TMEM163: variants seen among roughly 807,000 people sequenced by gnomAD.
TMEM163 encodes transmembrane protein 163.
Under a neutral mutation model 29.3 loss-of-function variants are expected in TMEM163, and 17 were observed. The ratio of observed to expected loss-of-function variants is 0.58; its 90% CI spans 0.40 to 0.87. The LOEUF is 0.87. TMEM163 is among the 40% of genes least tolerant of loss of function. The pLI, the probability that TMEM163 is intolerant of heterozygous loss-of-function variation, is 0.00. For missense variants in TMEM163, 303 were observed against 381.5 expected, an observed-to-expected ratio of 0.79 and a Z score of 1.71; for synonymous variants, 157 against 160.6, an observed-to-expected ratio of 0.98 and a Z score of 0.17.
At chr2:134,561,363 C>G (rs980658624) in intron 2 of TMEM163, among the ~76,000 whole-genome samples, 3 of 148,652 alleles carry the variant, frequency 2.0e-5, no homozygotes, top group Non-Finnish European at 4.4e-5. Flanking sequence ...ACCACCACAC[C>G]CGGCTAATTT....
At chr2:134,671,327 C>A (rs1443620882) in intron 2 of TMEM163, among the ~76,000 whole-genome samples, 1 of 152,122 alleles carries the variant, frequency 6.6e-6, no homozygotes, top group African/African-American at 2.4e-5. Context: ...AGGAGACCCA[C>A]CCCTCCCCAA....
At chr2:134,616,066 G>T (rs941553499) in intron 2 of TMEM163, among the ~76,000 whole-genome samples, 3 of 152,120 alleles carry the variant, frequency 2.0e-5, no homozygotes, top group Non-Finnish European at 4.4e-5. Context: ...AGTATGATTC[G>T]GGAGGTAAAG....
intron 4 of TMEM163, among the ~76,000 whole-genome samples, chr2:134,508,563 A>G (rs1318826637): frequency 1.3e-5 from 2 of 152,200 alleles, no homozygotes; most frequent in African/African-American, 4.8e-5. Flanking sequence ...AAAAGGAGAA[A>G]GTGAGCAAGG....
intron 5 of TMEM163, among the ~76,000 whole-genome samples, chr2:134,495,578 C>G (rs1679532251): frequency 6.6e-6 from 1 of 152,202 alleles, no homozygotes; most frequent in Non-Finnish European, 1.5e-5. Flanking sequence ...GGTGGGACAT[C>G]TCTGGGAAAA....
At chr2:134,692,733 C>T (rs1382698483) in intron 2 of TMEM163, among the ~76,000 whole-genome samples, 2 of 152,194 alleles carry the variant, frequency 1.3e-5, no homozygotes, top group Non-Finnish European at 2.9e-5. Context: ...GTCCTGCCCT[C>T]ATCACCTCAT....
At chr2:134,605,594 A>G (rs778762591) in intron 2 of TMEM163, among the ~76,000 whole-genome samples, 50 of 151,932 alleles carry the variant, frequency 3.3e-4, no homozygotes, top group Non-Finnish European at 2.9e-4. Context: ...GCTATTCAGG[A>G]GGCTGAGGCA....
intron 4 of TMEM163, among the ~76,000 whole-genome samples, chr2:134,541,538 T>C (rs1680667677): frequency 1.3e-5 from 2 of 152,232 alleles, no homozygotes; most frequent in Non-Finnish European, 2.9e-5. Flanking sequence ...CTGGATTTTT[T>C]CTAACCTTAA....
intron 2 of TMEM163, among the ~76,000 whole-genome samples, chr2:134,611,649 A>T (rs1438928126): frequency 6.6e-6 from 1 of 152,178 alleles, no homozygotes; most frequent in African/African-American, 2.4e-5. Context: ...AAATCATAAG[A>T]ATTGCATTAT....
At chr2:134,506,327 T>C (rs1440970211) in intron 4 of TMEM163, among the ~76,000 whole-genome samples, 1 of 152,188 alleles carries the variant, frequency 6.6e-6, no homozygotes, top group Non-Finnish European at 1.5e-5. Flanking sequence ...CAGCTATTAT[T>C]AGCGGAGGGC....
chr2:134,618,866 AT>A (rs1682667604), intron 2 of TMEM163, among the ~76,000 whole-genome samples: 1 of 152,196 alleles, frequency 6.6e-6, no homozygotes, highest in South Asian at 2.1e-4. Context: ...TTAGAGGGAA[AT>A]CTATAGCATT....
chr2:134,462,022 T>C (rs992225794), intron 6 of TMEM163, among the ~76,000 whole-genome samples: 3 of 152,132 alleles, frequency 2.0e-5, no homozygotes, highest in South Asian at 2.1e-4. Context: ...AGATCCCAGA[T>C]AGTACAATTA....
chr2:134,511,159 G>GC (rs1553475811), intron 4 of TMEM163, among the ~76,000 whole-genome samples: 1 of 150,232 alleles, frequency 6.7e-6, no homozygotes, highest in Non-Finnish European at 1.5e-5. Flanking sequence ...AAGGCGGGGG[G>GC]GGGTGCTGTT....
At chr2:134,471,335 G>A (rs1405204447) in intron 5 of TMEM163, among the ~76,000 whole-genome samples, 1 of 152,168 alleles carries the variant, frequency 6.6e-6, no homozygotes, top group Non-Finnish European at 1.5e-5. Flanking sequence ...ACCTCATAAT[G>A]AGACTAGTAC....
At chr2:134,541,748 G>A (rs1484835388) in intron 4 of TMEM163, among the ~76,000 whole-genome samples, 2 of 149,544 alleles carry the variant, frequency 1.3e-5, no homozygotes, top group Non-Finnish European at 3.0e-5. Context: ...AAAGCTAAAT[G>A]GATATACGTG....
intron 2 of TMEM163, among the ~76,000 whole-genome samples, chr2:134,710,951 C>T (rs1684913595): frequency 6.6e-6 from 1 of 152,204 alleles, no homozygotes; most frequent in Non-Finnish European, 1.5e-5. Flanking sequence ...GACAGAGATG[C>T]AGGAAGTCAG....
chr2:134,493,995 A>G (rs1166171470), intron 5 of TMEM163, among the ~76,000 whole-genome samples: 1 of 152,170 alleles, frequency 6.6e-6, no homozygotes, highest in East Asian at 1.9e-4. Flanking sequence ...GTACAAAGAA[A>G]GTATCAAGTC....
chr2:134,529,964 T>C (rs551918643), intron 4 of TMEM163, among the ~76,000 whole-genome samples: 2 of 152,144 alleles, frequency 1.3e-5, no homozygotes, highest in African/African-American at 4.8e-5. Context: ...AGGATTCTTA[T>C]GCTGGAAGGA....
intron 4 of TMEM163, among the ~76,000 whole-genome samples, chr2:134,516,712 CAT>C (rs370430753): frequency 9.6e-5 from 7 of 72,850 alleles, no homozygotes; most frequent in Admixed American, 2.9e-4. Flanking sequence ...TTCATATATA[CAT>C]ATATATTCAT....
chr2:134,685,594 C>T (rs1235827322), intron 2 of TMEM163, among the ~76,000 whole-genome samples: 1 of 152,164 alleles, frequency 6.6e-6, no homozygotes, highest in Non-Finnish European at 1.5e-5. Context: ...ACTGTAAGGT[C>T]CAAGGTTAGC....
Sources: allele counts gnomAD v4.1 joint callset (sites outside exome capture counted in the v4.1 genomes callset), GRCh38; gene constraint gnomAD v4.1.1; transcripts MANE v1.5; gene names NCBI Gene and HGNC (gene_info 2026-07-23, HGNC 2026-07-21).